Variants in BST1 observed in about 807,000 individuals in gnomAD.
BST1 encodes the protein bone marrow stromal cell antigen 1.
A neutral mutation model predicts 40.6 loss-of-function variants in BST1; 49 were observed. The observed-to-expected ratio is 1.21, with a 90% CI of 0.96 to 1.53. The LOEUF is 1.53. BST1 is among the 40% of genes most tolerant of loss of function. BST1 has a pLI of 0.00. For missense variants in BST1, 423 were observed against 395.9 expected, an observed-to-expected ratio of 1.07 and a Z score of -0.58; for synonymous variants, 157 against 159.3, an observed-to-expected ratio of 0.99 and a Z score of 0.11.
At chr4:15,755,225 G>A in the BST1 span, among the ~76,000 whole-genome samples, 8 of 151,972 alleles carry the variant, frequency 5.3e-5, no homozygotes, top group African/African-American at 1.2e-4. Context: ...TGCAACCTCC[G>A]CCTCCCAGGT....
the BST1 span, among the ~76,000 whole-genome samples, chr4:15,755,724 A>C: frequency 6.6e-6 from 1 of 152,140 alleles, no homozygotes; most frequent in East Asian, 1.9e-4. Flanking sequence ...CCAGTGATGA[A>C]GGTCTTAGAG....
At chr4:15,718,807 C>G (rs1313428338) in intron 6 of BST1, 100 bp from the exon 7 acceptor site, 9 of 970,906 alleles carry the variant, frequency 9.3e-6, no homozygotes, top group Non-Finnish European at 1.4e-5. Flanking sequence ...GTAGAATATC[C>G]AGGAGCACAT....
chr4:15,772,033 G>A, the BST1 span, among the ~76,000 whole-genome samples: 1 of 126,778 alleles, frequency 7.9e-6, no homozygotes, highest in African/African-American at 3.4e-5. Flanking sequence ...CTCTCTCTCT[G>A]TATGCTGCTT....
downstream of BST1, among the ~76,000 whole-genome samples, chr4:15,742,346 T>C (rs1476791104): frequency 2.0e-5 from 3 of 152,136 alleles, no homozygotes; most frequent in Admixed American, 6.6e-5. Flanking sequence ...GAGCTGGCTG[T>C]TAAAAAGAGC....
intron 8 of BST1, among the ~76,000 whole-genome samples, chr4:15,729,822 G>T (rs747011387): frequency 6.6e-6 from 1 of 152,100 alleles, no homozygotes; most frequent in Non-Finnish European, 1.5e-5. Context: ...TTCTATTTGT[G>T]CATGATAATG....
chr4:15,721,936 G>A (rs968315889), intron 7 of BST1, among the ~76,000 whole-genome samples: 2 of 152,016 alleles, frequency 1.3e-5, no homozygotes, highest in Admixed American at 6.5e-5. Flanking sequence ...TGCAGTGATC[G>A]TGCCACAGAG....
chr4:15,753,567 G>A, the BST1 span, among the ~76,000 whole-genome samples: 1 of 152,148 alleles, frequency 6.6e-6, no homozygotes, highest in Non-Finnish European at 1.5e-5. Flanking sequence ...AGAATGTTAC[G>A]AGACACAGAG....
chr4:15,757,163 G>A, the BST1 span, among the ~76,000 whole-genome samples: 1 of 151,980 alleles, frequency 6.6e-6, no homozygotes, highest in Non-Finnish European at 1.5e-5. Flanking sequence ...ACCCTCAGAA[G>A]CCCCAAGCTC....
At chr4:15,771,042 A>G in the BST1 span, among the ~76,000 whole-genome samples, 1 of 152,330 alleles carries the variant, frequency 6.6e-6, no homozygotes, top group East Asian at 1.9e-4. Flanking sequence ...TGTGCCCTCA[A>G]TACTTAACAC....
intron 4 of BST1, 131 bp downstream of exon 4, chr4:15,712,020 C>T (rs1342462076): frequency 5.8e-6 from 4 of 693,084 alleles, no homozygotes; most frequent in Non-Finnish European, 1.0e-5. Context: ...TTTACCACAT[C>T]ATGATTCATG....
intron 8 of BST1, among the ~76,000 whole-genome samples, chr4:15,723,167 G>C (rs947642088): frequency 2.0e-5 from 3 of 152,194 alleles, no homozygotes; most frequent in African/African-American, 7.2e-5. Flanking sequence ...GTGTAATGGG[G>C]CCACCCTTTA....
chr4:15,746,979 A>G, the BST1 span, among the ~76,000 whole-genome samples: 1 of 152,152 alleles, frequency 6.6e-6, no homozygotes, highest in Non-Finnish European at 1.5e-5. Flanking sequence ...TGAGTATTCC[A>G]TTCCTCCAAA....
chr4:15,756,352 G>A, the BST1 span, among the ~76,000 whole-genome samples: 1 of 152,228 alleles, frequency 6.6e-6, no homozygotes, highest in Non-Finnish European at 1.5e-5. Context: ...CGCCCAGCTA[G>A]AGGAGAGTTT....
chr4:15,726,636 G>C (rs985840863), intron 8 of BST1, among the ~76,000 whole-genome samples: 1 of 152,272 alleles, frequency 6.6e-6, no homozygotes, highest in Admixed American at 6.5e-5. Flanking sequence ...AAGTGTCTGT[G>C]GTGTTAGAAT....
chr4:15,712,268 G>T (rs1414888180), intron 4 of BST1, among the ~76,000 whole-genome samples: 2 of 152,182 alleles, frequency 1.3e-5, no homozygotes, highest in Admixed American at 6.5e-5. Flanking sequence ...AATTTGTGGG[G>T]ATCAGAAATG....
At chr4:15,715,460 C>A in intron 5 of BST1, 99 bp downstream of exon 5, 1 of 1,254,092 alleles carries the variant, frequency 8.0e-7, no homozygotes, top group South Asian at 1.3e-5. Flanking sequence ...GTCCCCATCT[C>A]ATGCGTGCTT....
At chr4:15,704,181 G>T (rs1434631041) in intron 1 of BST1, among the ~76,000 whole-genome samples, 1 of 145,416 alleles carries the variant, frequency 6.9e-6, no homozygotes, top group Non-Finnish European at 1.5e-5. Context: ...GAGGTGAGGG[G>T]TGTGTGTGTT....
the BST1 span, among the ~76,000 whole-genome samples, chr4:15,744,313 G>T: frequency 5.3e-5 from 8 of 152,224 alleles, no homozygotes; most frequent in South Asian, 2.1e-4. Flanking sequence ...CCACGTGGTT[G>T]GGGAGGCCTC....
the BST1 span, among the ~76,000 whole-genome samples, chr4:15,772,675 A>G: frequency 3.3e-5 from 5 of 152,240 alleles, no homozygotes; most frequent in African/African-American, 9.6e-5. Flanking sequence ...AAGAGTGTAC[A>G]ACAATTTGCA....
Sources: gnomAD v4.1 joint callset for allele counts (sites outside exome capture counted in the v4.1 genomes callset) on GRCh38, gnomAD v4.1.1 for gene constraint, MANE v1.5 for transcripts, NCBI Gene and HGNC (gene_info 2026-07-23, HGNC 2026-07-21) for gene names.